WWOX: variants seen among roughly 807,000 people sequenced by gnomAD.
The protein encoded by WWOX is WW domain-containing oxidoreductase.
A neutral mutation model predicts 46.2 loss-of-function variants in WWOX; 69 were observed. That is an observed-to-expected ratio of 1.49 (90% CI 1.23 to 1.82). The LOEUF (loss-of-function observed/expected upper bound fraction) is 1.82, where lower values mean the gene tolerates loss of function less well. Ranked by LOEUF, WWOX falls within the 40% of genes most tolerant of loss-of-function variation. The pLI is 0.00. For missense variants in WWOX, 919 were observed against 542.6 expected, an observed-to-expected ratio of 1.69 and a Z score of -6.89; for synonymous variants, 359 against 202.6, an observed-to-expected ratio of 1.77 and a Z score of -6.56.
intron 8 of WWOX, among the ~76,000 whole-genome samples, chr16:78,626,605 A>G (rs2550607): frequency 0.56 from 85,079 of 151,934 alleles, 24,521 homozygotes; most frequent in East Asian, 0.69. Context: ...GGTAGTGTTC[A>G]TTAGGTTTCT....
At chr16:78,831,540 C>T (rs1049325442) in intron 8 of WWOX, among the ~76,000 whole-genome samples, 10 of 152,132 alleles carry the variant, frequency 6.6e-5, no homozygotes, top group Admixed American at 2.0e-4. Flanking sequence ...CCCGGGTGCA[C>T]AAAGCCAGCA....
At chr16:78,823,861 C>T (rs1008589092) in intron 8 of WWOX, among the ~76,000 whole-genome samples, 2 of 151,810 alleles carry the variant, frequency 1.3e-5, no homozygotes, top group African/African-American at 4.8e-5. Context: ...CTACAACCTC[C>T]AATGCCTGGG....
rs1369721148 is a variant in WWOX, at chr16:78,548,180, T to A, written c.1056+115428T>A. Among the ~76,000 whole-genome samples, 3 of 17,216 alleles carry A rather than the reference T, an allele frequency of 1.7e-4. 1 individual carries two copies. The highest frequency in any genetic ancestry group is 7.4e-4 in the Non-Finnish European group (3 of 4,072). 11.3% of individuals were successfully genotyped at this position (17,216 alleles called of 152,430 possible). A position where few individuals can be genotyped will look rare whatever the true frequency, so the allele number is the denominator to read the frequency against. ...AAAAAAAAAAAAAAAAAAAAAAAAT[T>A]ACGAATTTTGCGAGGACGCAAACAT... On this transcript the variant is annotated intron_variant, in intron 8 of 8. Transcript: ENST00000566780.
At chr16:78,261,776 CTATCTATCTATCTATATATA>C (rs2079241356) in intron 5 of WWOX, among the ~76,000 whole-genome samples, 2 of 38,370 alleles carry the variant, frequency 5.2e-5, no homozygotes, top group East Asian at 2.2e-3. Flanking sequence ...ATCTATGTAT[CTATCTATCTATCTATATATA>C]TATATATATA....
intron 8 of WWOX, among the ~76,000 whole-genome samples, chr16:78,805,973 A>G (rs2051024782): frequency 6.6e-6 from 1 of 152,196 alleles, no homozygotes; most frequent in East Asian, 1.9e-4. Context: ...CTCGAGACAG[A>G]AGTGGAGGAT....
chr16:78,469,707 G>A (rs561127301), intron 8 of WWOX, among the ~76,000 whole-genome samples: 5 of 152,278 alleles, frequency 3.3e-5, no homozygotes, highest in African/African-American at 1.2e-4. Flanking sequence ...AACCAGGCTG[G>A]GCCATGGGTT....
At chr16:78,497,379 G>A (rs1360850054) in intron 8 of WWOX, among the ~76,000 whole-genome samples, 2 of 152,146 alleles carry the variant, frequency 1.3e-5, no homozygotes, top group African/African-American at 2.4e-5. Flanking sequence ...AAGAAAACAA[G>A]GAGGAAAGCT....
intron 8 of WWOX, among the ~76,000 whole-genome samples, chr16:78,711,240 A>G (rs1214040723): frequency 6.6e-6 from 1 of 152,226 alleles, no homozygotes; most frequent in Non-Finnish European, 1.5e-5. Flanking sequence ...ATTGTTTGAA[A>G]TGTTCAAAGT....
intron 8 of WWOX, among the ~76,000 whole-genome samples, chr16:78,949,475 C>T (rs942929253): frequency 1.3e-5 from 2 of 152,174 alleles, no homozygotes; most frequent in Non-Finnish European, 2.9e-5. Context: ...CACTCAGCTC[C>T]CTGCATTCAA....
chr16:79,036,995 C>G lies in WWOX; in HGVS notation c.1057-174613C>G, dbSNP rs75738399. On this transcript the variant is annotated intron_variant, in intron 8 of 8. Coordinates refer to ENST00000566780, the MANE Select transcript of WWOX (RefSeq NM_016373.4). The stretch of plus-strand genomic sequence containing the variant: ...AAGGAATATGGGTATAGTGATGGGT[C>G]TCTCATGGCTCACGTATTAACTGTA... Among the ~76,000 whole-genome samples the G allele has an allele frequency of 1.3e-3, 204 of 152,260 alleles. 5 individuals carry two copies. The East Asian group carries it at 0.034, about 25-fold the overall frequency.
intron 5 of WWOX, among the ~76,000 whole-genome samples, chr16:78,318,261 G>C (rs756089278): frequency 7.5e-6 from 1 of 133,758 alleles, no homozygotes; most frequent in Non-Finnish European, 1.6e-5. Context: ...GGAGCCCTCC[G>C]TCTGGGAGGA....
intron 8 of WWOX, among the ~76,000 whole-genome samples, chr16:78,927,657 G>A (rs144191113): frequency 6.4e-4 from 97 of 152,306 alleles, no homozygotes; most frequent in African/African-American, 2.2e-3. Flanking sequence ...GAGAAGGAAG[G>A]TAATTAAGGC....
intron 5 of WWOX, among the ~76,000 whole-genome samples, chr16:78,312,077 G>T (rs559741846): frequency 2.8e-4 from 42 of 152,244 alleles, no homozygotes; most frequent in African/African-American, 8.7e-4. Flanking sequence ...CAATGGCCAT[G>T]TCTCTGGTTC....
intron 8 of WWOX, among the ~76,000 whole-genome samples, chr16:78,813,602 C>G (rs1997587): frequency 6.6e-6 from 1 of 151,876 alleles, no homozygotes; most frequent in Admixed American, 6.6e-5. Context: ...TGTGTGAGCT[C>G]CTGTGTGTGT....
intron 8 of WWOX, among the ~76,000 whole-genome samples, chr16:79,135,232 A>G (rs1024527239): frequency 3.3e-5 from 5 of 152,198 alleles, no homozygotes; most frequent in Admixed American, 6.5e-5. Flanking sequence ...GTAAATATGC[A>G]TACTCATAAA....
chr16:79,071,939 C>T (rs1484966245), intron 8 of WWOX, among the ~76,000 whole-genome samples: 1 of 152,066 alleles, frequency 6.6e-6, no homozygotes, highest in African/African-American at 2.4e-5. Flanking sequence ...TGAGCTGGCT[C>T]ACTTGTTCAT....
At chr16:78,312,561 G>A (rs961348271) in intron 5 of WWOX, among the ~76,000 whole-genome samples, 1 of 152,046 alleles carries the variant, frequency 6.6e-6, no homozygotes, top group Admixed American at 6.6e-5. Flanking sequence ...TTTTAGTAGA[G>A]ATGGGGTTTC....
chr16:79,171,609 G>A (rs979514048), intron 8 of WWOX, among the ~76,000 whole-genome samples: 1 of 152,168 alleles, frequency 6.6e-6, no homozygotes, highest in Non-Finnish European at 1.5e-5. Flanking sequence ...CTCTTCAAGA[G>A]TATCTCAGTG....
chr16:78,520,366 C>T (rs1302679477), intron 8 of WWOX, among the ~76,000 whole-genome samples: 1 of 152,178 alleles, frequency 6.6e-6, no homozygotes, highest in African/African-American at 2.4e-5. Context: ...CAGCCCATCA[C>T]AGTATTAATT....
Sources: allele counts gnomAD v4.1 joint callset (sites outside exome capture counted in the v4.1 genomes callset), GRCh38; gene constraint gnomAD v4.1.1; transcripts MANE v1.5; gene names NCBI Gene and HGNC (gene_info 2026-07-23, HGNC 2026-07-21).